The following SATB1 variants were observed in gnomAD, a reference collection of about 807,000 sequenced individuals.
The protein encoded by SATB1 is DNA-binding protein SATB1.
SATB1 carries 11 observed loss-of-function variants against 86.9 expected under a neutral mutation model. The observed-to-expected ratio is 0.13, with a 90% CI of 0.08 to 0.21. SATB1 has a LOEUF of 0.21. Ranked by LOEUF, SATB1 falls within the 10% of genes least tolerant of loss-of-function variation. SATB1 has a pLI of 1.00. For missense variants in SATB1, 551 were observed against 937.6 expected (o/e 0.59, Z 5.39); for synonymous variants, 357 against 357.2 (o/e 1.00, Z 0.01).
chr3:18,403,050 G>C (rs1248191814), intron 5 of SATB1, among the ~76,000 whole-genome samples: 1 of 152,006 alleles, frequency 6.6e-6, no homozygotes, highest in Non-Finnish European at 1.5e-5. Context: ...GATTGTTTTT[G>C]ATAGTTATAA....
At chr3:18,363,511 A>G (rs1463508265) in intron 9 of SATB1, among the ~76,000 whole-genome samples, 1 of 152,114 alleles carries the variant, frequency 6.6e-6, no homozygotes, top group Non-Finnish European at 1.5e-5. Flanking sequence ...TCCTCTGACC[A>G]CATTTTACAT....
In SATB1 at chr3:18,380,058, G is replaced by A. The variant is rs539738028; in HGVS notation, c.1420-1733C>T. ...ATAAATTGCCTACAAAGTTGCTTTGGTGAGATTGGAAACTTTGCTCTGGGG... is the reference window on the plus strand; with the variant it reads ...ATAAATTGCCTACAAAGTTGCTTTGATGAGATTGGAAACTTTGCTCTGGGG... On this transcript the variant is annotated intron_variant, in intron 8 of 10. Transcript: ENST00000338745. Among the ~76,000 whole-genome samples, 10 of 152,300 alleles carry A rather than the reference G, an allele frequency of 6.6e-5. No individual in the cohort carries two copies. In the South Asian group the frequency reaches 2.1e-3, roughly 32 times the overall value.
upstream of SATB1, among the ~76,000 whole-genome samples, chr3:18,425,813 G>A (rs1204604698): frequency 6.7e-6 from 1 of 148,232 alleles, no homozygotes; most frequent in Admixed American, 6.7e-5. Context: ...GTGTGTGAGT[G>A]GGAGGGAGGA....
intron 2 of SATB1, chr3:18,435,053 G>A (rs1699014670): frequency 6.6e-6 from 1 of 151,996 alleles, no homozygotes; most frequent in Non-Finnish European, 1.5e-5. Flanking sequence ...AAACGGCATG[G>A]GGCAGAATAC....
intron 5 of SATB1, among the ~76,000 whole-genome samples, chr3:18,405,372 C>T (rs1021080405): frequency 9.2e-5 from 14 of 151,820 alleles, no homozygotes; most frequent in African/African-American, 2.9e-4. Context: ...ATACCAAATT[C>T]GTGTTAAGTT....
chr3:18,419,236 T>C (rs1383918334), intron 2 of SATB1, among the ~76,000 whole-genome samples: 2 of 152,180 alleles, frequency 1.3e-5, no homozygotes, highest in Non-Finnish European at 2.9e-5. Flanking sequence ...CTGGGAGTAA[T>C]GCTGAACACA....
chr3:18,402,778 G>C (rs898636834), intron 5 of SATB1, among the ~76,000 whole-genome samples: 5 of 152,086 alleles, frequency 3.3e-5, no homozygotes, highest in African/African-American at 1.2e-4. Context: ...CTGAGGTGGG[G>C]AGGAGGTAGC....
At chr3:18,440,070 T>G (rs190469104), upstream of SATB1, among the ~76,000 whole-genome samples, 45 of 152,320 alleles carry the variant, frequency 3.0e-4, no homozygotes, top group African/African-American at 9.9e-4. Context: ...CATCTAAGAC[T>G]TGGAAGAGGA....
chr3:18,436,284 T>G (rs1196018715), intron 2 of SATB1, among the ~76,000 whole-genome samples: 1 of 152,034 alleles, frequency 6.6e-6, no homozygotes, highest in African/African-American at 2.4e-5. Context: ...GCATAGAAGG[T>G]CAATCAGCCT....
chr3:18,435,869 T>C (rs1336240833), intron 2 of SATB1, among the ~76,000 whole-genome samples: 1 of 152,124 alleles, frequency 6.6e-6, no homozygotes, highest in Non-Finnish European at 1.5e-5. Flanking sequence ...GGAGACTGTG[T>C]TTTTAAAGAG....
At chr3:18,435,227 A>G (rs1468401692) in intron 2 of SATB1, 3 of 152,134 alleles carry the variant, frequency 2.0e-5, no homozygotes, top group Non-Finnish European at 4.4e-5. Flanking sequence ...AAAGAGGGAG[A>G]AGTAGGAATG....
chr3:18,443,752 C>T lies in SATB1; in HGVS notation c.-25+1766G>A, dbSNP rs558208458. 1.8e-3 allele frequency among the ~76,000 whole-genome samples: 272 copies of T among 152,258 alleles called. No homozygotes were observed. The highest frequency in any genetic ancestry group is 6.4e-3 in the African/African-American group (264 of 41,530). ...CACTGGAGCAATAGGAAAAGGCCAC[C>T]GCGCTCGGGTCTGGACAGCAGGAGG... On this transcript the variant is annotated intron_variant, in intron 1 of 3. Transcript: ENST00000415069. The surrounding 1 kb of genome is among the most constrained non-coding windows in gnomAD (Gnocchi z 4.4).
chr3:18,383,811 T>G (rs1415687365), intron 8 of SATB1, among the ~76,000 whole-genome samples: 1 of 152,150 alleles, frequency 6.6e-6, no homozygotes, highest in Admixed American at 6.5e-5. Context: ...AATTTTGCAT[T>G]GATAATACCT....
At chr3:18,351,187 T>C in intron 10 of SATB1, 1 of 750,836 alleles carries the variant, frequency 1.3e-6, no homozygotes, top group Non-Finnish European at 2.3e-6. Flanking sequence ...GCTGGCACAG[T>C]GAGCTCTGCC....
chr3:18,419,100 G>A (rs990311979), intron 2 of SATB1, among the ~76,000 whole-genome samples: 1 of 152,074 alleles, frequency 6.6e-6, no homozygotes, highest in Non-Finnish European at 1.5e-5. Flanking sequence ...AAATATATTG[G>A]ATTTATTGTG....
intron 2 of SATB1, among the ~76,000 whole-genome samples, chr3:18,419,099 G>T (rs1268240235): frequency 6.6e-6 from 1 of 152,060 alleles, no homozygotes; most frequent in Admixed American, 6.5e-5. Flanking sequence ...GAAATATATT[G>T]GATTTATTGT....
At chr3:18,388,022 G>T (rs1306577246) in intron 7 of SATB1, among the ~76,000 whole-genome samples, 1 of 152,056 alleles carries the variant, frequency 6.6e-6, no homozygotes, top group African/African-American at 2.4e-5. Flanking sequence ...AGGTGCAGAG[G>T]GCTTCAGAGT....
chr3:18,375,538 G>A (rs1338392629), intron 9 of SATB1, among the ~76,000 whole-genome samples: 2 of 152,074 alleles, frequency 1.3e-5, no homozygotes, highest in Non-Finnish European at 2.9e-5. Flanking sequence ...CACATCTGAG[G>A]CCTAAATATC....
chr3:18,445,415 CG>C (rs1699367708), intron 1 of SATB1: 1 of 985,178 alleles, frequency 1.0e-6, no homozygotes, highest in Non-Finnish European at 1.2e-6. Context: ...GGGGTTGGCG[CG>C]GAAGACAGGA....
Sources: allele counts gnomAD v4.1 joint callset (sites outside exome capture counted in the v4.1 genomes callset), GRCh38; gene constraint gnomAD v4.1.1; non-coding constraint Gnocchi (gnomAD v3.1); transcripts MANE v1.5; gene names NCBI Gene and HGNC (gene_info 2026-07-23, HGNC 2026-07-21).